Variants in ANKRD50 observed in about 807,000 individuals in gnomAD.
The protein encoded by ANKRD50 is ankyrin repeat domain 50.
Under a neutral mutation model 112.0 loss-of-function variants are expected in ANKRD50, and 40 were observed. The ratio of observed to expected loss-of-function variants is 0.36; its 90% CI spans 0.28 to 0.46. The LOEUF is 0.46. Among genes scored for constraint, ANKRD50 ranks in the 20% least tolerant of loss-of-function variants. The pLI is 1.00. For synonymous variants in ANKRD50, 613 were observed against 619.1 expected (o/e 0.99, Z 0.15); for missense variants, 1,487 against 1,701.7 (o/e 0.87, Z 2.22).
intron 2 of ANKRD50, among the ~76,000 whole-genome samples, chr4:124,683,033 C>T (rs1724928164): frequency 6.6e-6 from 1 of 151,490 alleles, no homozygotes; most frequent in Non-Finnish European, 1.5e-5. Context: ...GTGATGCTGT[C>T]CTTATAAATT....
chr4:124,675,603 A>C (rs1204327193), intron 3 of ANKRD50, among the ~76,000 whole-genome samples: 4 of 151,820 alleles, frequency 2.6e-5, no homozygotes, highest in Non-Finnish European at 5.9e-5. Flanking sequence ...TGTTAATAAT[A>C]ATTAAGCACT....
chr4:124,711,748 T>G, intron 1 of ANKRD50, among the ~76,000 whole-genome samples: 1 of 145,802 alleles, frequency 6.9e-6, no homozygotes, highest in East Asian at 2.0e-4. Flanking sequence ...TGCAGCTGGA[T>G]GGGAAACGGT....
chr4:124,706,894 A>C (rs530215438), intron 2 of ANKRD50, among the ~76,000 whole-genome samples: 9 of 152,196 alleles, frequency 5.9e-5, no homozygotes, highest in Non-Finnish European at 1.2e-4. Flanking sequence ...TATATCATGT[A>C]ATTTATTGAA....
Position 124,664,591 on chromosome 4 carries a change from TAC to T in ANKRD50, c.*2925_*2926del, listed in dbSNP as rs1283733193. On this transcript the variant is annotated 3_prime_UTR_variant, in exon 5 of 5. Transcript: ENST00000504087. ...AACTTTTACAATGTGAAATTCAATG[TAC>T]ATTTTTGGCTATTTACATACCTCAA... The T allele has an allele frequency of 1.3e-5, 2 of 152,434 alleles. No individual in the cohort carries two copies. The highest frequency in any genetic ancestry group is 6.6e-5 in the Admixed American group (1 of 15,238). 9.4% of individuals were successfully genotyped at this position (152,434 alleles called of 1,614,324 possible).
intron 2 of ANKRD50, among the ~76,000 whole-genome samples, chr4:124,704,102 T>G (rs751134535): frequency 2.0e-5 from 3 of 146,916 alleles, no homozygotes; most frequent in Non-Finnish European, 4.6e-5. Flanking sequence ...TTGGAAACAA[T>G]AGACCATTCA....
intron 2 of ANKRD50, among the ~76,000 whole-genome samples, chr4:124,683,069 CATAT>C (rs990488450): frequency 6.6e-6 from 1 of 151,464 alleles, no homozygotes; most frequent in African/African-American, 2.4e-5. Flanking sequence ...CACATACATA[CATAT>C]ATACACACAC....
At position 124,671,202 on chromosome 4, in the gene ANKRD50, A is replaced by G. The variant is rs1578571536; in HGVS notation, c.2075T>C (p.Ile692Thr). Residue 692 changes from isoleucine (I) to threonine (T), a missense_variant, in exon 4 of 5, where the codon ATT becomes ACT. Coordinates refer to ENST00000504087, the MANE Select transcript of ANKRD50 (RefSeq NM_020337.3). The stretch of plus-strand genomic sequence containing the variant: ...TCCATGGTCCAGTAGGTGTTCCACA[A>G]TCTCTCTATGTCCCATGTATGCTGC... ...IAAAYMGHRE[I>T]VEHLLDHGAE... 1 of 1,613,864 alleles carries G rather than the reference A, an allele frequency of 6.2e-7. No individual in the cohort carries two copies. Among genetic ancestry groups the G allele is most frequent in the East Asian group, 2.2e-5 (1 of 44,860 alleles).
rs1730492126 is a variant in ANKRD50, at chr4:124,666,393, T to C, written c.*1125A>G. 6.6e-6 allele frequency: 1 copy of C among 152,456 alleles called. No individual in the cohort carries two copies. 9.4% of individuals were successfully genotyped at this position (152,456 alleles called of 1,614,324 possible). A position where few individuals can be genotyped will look rare whatever the true frequency, so the allele number is the denominator to read the frequency against. On this transcript the variant is annotated 3_prime_UTR_variant, in exon 5 of 5. Coordinates refer to ENST00000504087, the MANE Select transcript of ANKRD50 (RefSeq NM_020337.3). ...GTAACAATAAAAAGTACACATGTGC[T>C]ATGATTGACAGGGGAGTGGTGTCAT... is the stretch of plus-strand genomic sequence containing the variant.
rs776341013 is a variant in ANKRD50 at position 124,671,945 on chromosome 4, G to C, written c.1332C>G (p.Ala444=). The change falls in exon 4 of 5, where the codon GCC becomes GCG. Residue 444 remains alanine, a synonymous_variant. Coordinates refer to ENST00000504087, the MANE Select transcript of ANKRD50 (RefSeq NM_020337.3). ...GTGCTTCCAATGGTGTTAAATTCTT[G>C]GCTTGACAGGTATAACTCATAGCCA... ...RMLAMSYTCQ[A]KNLTPLEAQE... 32 of 1,613,738 alleles carry C rather than the reference G, an allele frequency of 2.0e-5. No individual in the cohort carries two copies. Among genetic ancestry groups the C allele is most frequent in the Non-Finnish European group, 2.4e-5 (28 of 1,179,882 alleles).
intron 2 of ANKRD50, among the ~76,000 whole-genome samples, chr4:124,690,131 A>C (rs1262349170): frequency 6.6e-6 from 1 of 152,206 alleles, no homozygotes; most frequent in Non-Finnish European, 1.5e-5. Context: ...AAAACAAACA[A>C]AAAATTCATG....
chr4:124,687,429 A>C (rs886160505), intron 2 of ANKRD50, among the ~76,000 whole-genome samples: 9 of 152,184 alleles, frequency 5.9e-5, no homozygotes, highest in Non-Finnish European at 1.3e-4. Flanking sequence ...TAAAACTATA[A>C]AACTTTTAGG....
At chr4:124,684,446 C>T (rs1432466044) in intron 2 of ANKRD50, among the ~76,000 whole-genome samples, 1 of 152,174 alleles carries the variant, frequency 6.6e-6, no homozygotes, top group Non-Finnish European at 1.5e-5. Flanking sequence ...ACACCCAATA[C>T]TACACTCAAT....
At chr4:124,675,672 G>A (rs1032147016) in intron 3 of ANKRD50, among the ~76,000 whole-genome samples, 1 of 151,668 alleles carries the variant, frequency 6.6e-6, no homozygotes, top group Non-Finnish European at 1.5e-5. Context: ...GTTCTAAATG[G>A]AGCCTGTAAT....
chr4:124,693,535 G>A (rs1477690570), intron 2 of ANKRD50, among the ~76,000 whole-genome samples: 2 of 152,048 alleles, frequency 1.3e-5, no homozygotes, highest in Non-Finnish European at 2.9e-5. Flanking sequence ...TATATCTGAA[G>A]CCTGCTCTCA....
At chr4:124,701,242 C>A (rs1010579934) in intron 2 of ANKRD50, among the ~76,000 whole-genome samples, 1 of 152,142 alleles carries the variant, frequency 6.6e-6, no homozygotes, top group Admixed American at 6.5e-5. Flanking sequence ...GGATTACAGG[C>A]GTGAGCCACC....
intron 2 of ANKRD50, among the ~76,000 whole-genome samples, chr4:124,699,132 G>C (rs1725326266): frequency 6.6e-6 from 1 of 151,956 alleles, no homozygotes; most frequent in South Asian, 2.1e-4. Context: ...TCACAAGAAG[G>C]GTCATCTATG....
intron 2 of ANKRD50, among the ~76,000 whole-genome samples, chr4:124,693,066 T>A (rs1725172229): frequency 6.6e-6 from 1 of 152,200 alleles, no homozygotes; most frequent in Admixed American, 6.5e-5. Context: ...CTCTTCATTT[T>A]GAAGTCCCTC....
chr4:124,688,046 CATAA>C (rs1465090329), intron 2 of ANKRD50, among the ~76,000 whole-genome samples: 3 of 152,164 alleles, frequency 2.0e-5, no homozygotes, highest in African/African-American at 7.2e-5. Context: ...ACATAAATGA[CATAA>C]ATGTTTACAG....
intron 2 of ANKRD50, among the ~76,000 whole-genome samples, chr4:124,694,469 C>T (rs1560828521): frequency 6.6e-6 from 1 of 152,176 alleles, no homozygotes; most frequent in Non-Finnish European, 1.5e-5. Context: ...GTATGCAAGG[C>T]AACCTAGAGA....
Sources: gnomAD v4.1 joint callset for allele counts (sites outside exome capture counted in the v4.1 genomes callset) on GRCh38, gnomAD v4.1.1 for gene constraint, MANE v1.5 for transcripts, NCBI Gene and HGNC (gene_info 2026-07-23, HGNC 2026-07-21) for gene names.